The following WDR1 variants were observed in gnomAD, a reference collection of about 807,000 sequenced individuals.
The protein encoded by WDR1 is WD repeat domain 1.
Under a neutral mutation model 71.9 loss-of-function variants are expected in WDR1, and 21 were observed. The ratio of observed to expected loss-of-function variants is 0.29; its 90% CI spans 0.21 to 0.42. The LOEUF is 0.42. WDR1 is among the 10% of genes least tolerant of loss of function. WDR1 has a pLI of 1.00. For missense variants in WDR1, 696 were observed against 824.5 expected (o/e 0.84, Z 1.91); for synonymous variants, 424 against 347.4 (o/e 1.22, Z -2.45).
intron 2 of WDR1, among the ~76,000 whole-genome samples, chr4:10,110,553 G>A (rs750330699): frequency 6.6e-6 from 1 of 152,150 alleles, no homozygotes; most frequent in Non-Finnish European, 1.5e-5. Flanking sequence ...CCTCTGCCGT[G>A]TGTCTCAACG....
At chr4:10,088,221 G>A in intron 7 of WDR1, 72 bp downstream of exon 7, 1 of 1,392,770 alleles carries the variant, frequency 7.2e-7, no homozygotes, top group South Asian at 1.2e-5. Context: ...ACTCCGGAGT[G>A]AGTGTGGATG....
In WDR1 at chr4:10,116,676, C is replaced by T; in HGVS notation, c.-10G>A. 4 of 1,351,030 alleles carry T rather than the reference C, an allele frequency of 3.0e-6. No homozygotes were observed. Among genetic ancestry groups the T allele is most frequent in the African/African-American group, 3.0e-5 (2 of 66,094 alleles). 83.7% of individuals were successfully genotyped at this position (1,351,030 alleles called of 1,614,324 possible). ...TGATCTCGTACGGCATCCTCGCCCA[C>T]TTGTTACCGCGCCGCGCTCGCCGAG... On this transcript the variant is annotated 5_prime_UTR_variant, in exon 1 of 15. In the 5' UTR this introduces an upstream ATG that the reference lacks. Transcript: ENST00000499869.
intron 2 of WDR1, chr4:10,108,366 T>G (rs1034096186): frequency 6.6e-6 from 1 of 152,214 alleles, no homozygotes; most frequent in Admixed American, 6.5e-5. Context: ...ACAGTGAACC[T>G]GATGGAACAT....
chr4:10,075,423 C>G lies in WDR1; in HGVS notation c.1776G>C (p.Thr592=). 2 of 1,613,928 alleles carry G rather than the reference C, an allele frequency of 1.2e-6. No individual in the cohort carries two copies. Among genetic ancestry groups the G allele is most frequent in the Non-Finnish European group, 1.7e-6 (2 of 1,179,878 alleles). ...CCTTGACAGAGGCATCATGGGAGGT[C>G]GTGACCAGCGTGTGCTCGTCCAGCC... ...LAWLDEHTLV[T]TSHDASVKEW... Residue 592 remains threonine, a synonymous_variant, in exon 15 of 15, where the codon ACG becomes ACC. Coordinates refer to ENST00000499869, the MANE Select transcript of WDR1 (RefSeq NM_017491.5).
intron 3 of WDR1, among the ~76,000 whole-genome samples, chr4:10,101,618 C>A (rs1034713564): frequency 3.3e-5 from 5 of 152,346 alleles, no homozygotes; most frequent in African/African-American, 1.2e-4. Flanking sequence ...ACGATGGCCA[C>A]TTATTTATGT....
intron 10 of WDR1, among the ~76,000 whole-genome samples, chr4:10,082,065 C>G (rs539091866): frequency 4.6e-5 from 7 of 152,214 alleles, no homozygotes; most frequent in African/African-American, 7.2e-5. Context: ...CTTGGGTTAT[C>G]TGGCCCAGGG....
chr4:10,114,816 C>G (rs933425172), intron 2 of WDR1, among the ~76,000 whole-genome samples: 5 of 152,156 alleles, frequency 3.3e-5, no homozygotes, highest in African/African-American at 1.2e-4. Context: ...ACATTCACAC[C>G]CGCCCACCCC....
intron 11 of WDR1, among the ~76,000 whole-genome samples, chr4:10,079,740 C>T (rs954473335): frequency 6.6e-6 from 1 of 152,220 alleles, no homozygotes; most frequent in Non-Finnish European, 1.5e-5. Flanking sequence ...CCCCTACCGT[C>T]TGGGCTTCTG....
chr4:10,114,235 A>AC (rs1192401924), intron 2 of WDR1, among the ~76,000 whole-genome samples: 3 of 152,180 alleles, frequency 2.0e-5, no homozygotes, highest in Non-Finnish European at 4.4e-5. Context: ...AAACAGGGTA[A>AC]CCCCTGAGAA....
chr4:10,096,034 C>G (rs151151731), intron 5 of WDR1: 31 of 152,316 alleles, frequency 2.0e-4, no homozygotes, highest in African/African-American at 7.5e-4. Context: ...TTAGAAAGGA[C>G]AACTAAAGAG....
chr4:10,101,056 C>T (rs903141098), intron 3 of WDR1, among the ~76,000 whole-genome samples: 2 of 152,284 alleles, frequency 1.3e-5, no homozygotes, highest in African/African-American at 4.8e-5. Context: ...TAAGGCCAAA[C>T]CACACGCCTG....
intron 2 of WDR1, 29 bp downstream of exon 2, chr4:10,116,084 G>T (rs771846078): frequency 2.5e-6 from 4 of 1,604,566 alleles, no homozygotes; most frequent in South Asian, 1.1e-5. Flanking sequence ...CTCCGGAGCA[G>T]AACCGCGCCC....
In WDR1 at chr4:10,116,794, T is replaced by G; in HGVS notation, c.-128A>C. ...AAGGCGGCACCGGGCGTGCCGGGAG[T>G]GGAGTGGGCGGTCCGAGGCCGGGGC... On this transcript the variant is annotated 5_prime_UTR_variant, in exon 1 of 15. Transcript: ENST00000499869. The G allele has an allele frequency of 2.7e-6, 3 of 1,114,422 alleles. No individual in the cohort carries two copies. The highest frequency in any genetic ancestry group is 3.4e-6 in the Non-Finnish European group (3 of 887,320). The allele number at this position is 1,114,422 out of a possible 1,614,324, so 69.0% of individuals were successfully genotyped here. A position where few individuals can be genotyped will look rare whatever the true frequency, so the allele number is the denominator to read the frequency against.
chr4:10,113,168 G>A (rs779562310), intron 2 of WDR1, among the ~76,000 whole-genome samples: 1 of 152,150 alleles, frequency 6.6e-6, no homozygotes, highest in Non-Finnish European at 1.5e-5. Context: ...AGATCAGCCT[G>A]GCCAACACGG....
At chr4:10,087,577 G>C in intron 8 of WDR1, 130 bp downstream of exon 8, 1 of 872,300 alleles carries the variant, frequency 1.1e-6, no homozygotes, top group Non-Finnish European at 1.7e-6. Flanking sequence ...AAAACCCCAA[G>C]GGCCAAGGAG....
intron 8 of WDR1, among the ~76,000 whole-genome samples, chr4:10,086,327 C>A (rs3756228): frequency 2.0e-5 from 3 of 152,208 alleles, no homozygotes; most frequent in Non-Finnish European, 4.4e-5. Flanking sequence ...TCCCCTCTAT[C>A]CTCGAGGCCA....
intron 5 of WDR1, chr4:10,096,433 A>G (rs986011502): frequency 2.4e-4 from 37 of 152,384 alleles, no homozygotes; most frequent in African/African-American, 8.4e-4. Context: ...ATTAGGTGGT[A>G]GCCACAAGAG....
At chr4:10,110,045 C>G (rs1348209787) in intron 2 of WDR1, among the ~76,000 whole-genome samples, 1 of 151,214 alleles carries the variant, frequency 6.6e-6, no homozygotes, top group African/African-American at 2.4e-5. Flanking sequence ...AAAATACACT[C>G]AACAAAGAAC....
intron 5 of WDR1, among the ~76,000 whole-genome samples, chr4:10,095,269 G>T (rs545160202): frequency 2.0e-4 from 31 of 152,260 alleles, no homozygotes; most frequent in Admixed American, 1.6e-3. Context: ...CTGCTATGTG[G>T]ATTTCACAGC....
Sources: gnomAD v4.1 joint callset for allele counts (sites outside exome capture counted in the v4.1 genomes callset) on GRCh38, gnomAD v4.1.1 for gene constraint, MANE v1.5 for transcripts, NCBI Gene and HGNC (gene_info 2026-07-23, HGNC 2026-07-21) for gene names.